Variants in GLIPR1L2 observed in about 807,000 individuals in gnomAD.
The protein encoded by GLIPR1L2 is GLIPR1-like protein 2.
GLIPR1L2 carries 21 observed loss-of-function variants against 28.4 expected under a neutral mutation model. The observed-to-expected ratio is 0.74, with a 90% CI of 0.52 to 1.06. GLIPR1L2 has a LOEUF of 1.06. Among genes scored for constraint, GLIPR1L2 ranks in the 50% least tolerant of loss-of-function variants. The probability of loss-of-function intolerance (pLI) is 0.00; values close to 1 mark genes in which losing one functional copy is unlikely to be tolerated. For missense variants in GLIPR1L2, 476 were observed against 416.9 expected (o/e 1.14, Z -1.23); for synonymous variants, 145 against 139.3 (o/e 1.04, Z -0.29).
intron 2 of GLIPR1L2, 40 bp from the exon 3 acceptor site, chr12:75,413,558 A>T: frequency 8.8e-7 from 1 of 1,133,286 alleles, no homozygotes; most frequent in Non-Finnish European, 1.3e-6. Context: ...GTCAATGTTT[A>T]AAATTAAATT....
rs1169839941 is a variant in GLIPR1L2, at chr12:75,431,756, C to A, written c.*595C>A. 3 of 151,980 alleles carry A rather than the reference C, an allele frequency of 2.0e-5. No individual in the cohort carries two copies. The highest frequency in any genetic ancestry group is 7.2e-5 in the African/African-American group (3 of 41,410). 9.4% of individuals were successfully genotyped at this position (151,980 alleles called of 1,614,324 possible). On this transcript the variant is annotated 3_prime_UTR_variant, in exon 6 of 6. Transcript: ENST00000550916. ...TATTTATAATTAATGTTCAATATTT[C>A]ATTAAAGACTTGCTGTAATTTTCTG... is the stretch of plus-strand genomic sequence containing the variant.
intron 1 of GLIPR1L2, among the ~76,000 whole-genome samples, chr12:75,409,874 T>C (rs2045847088): frequency 6.7e-6 from 1 of 148,636 alleles, no homozygotes; most frequent in South Asian, 2.1e-4. Flanking sequence ...CCGATATATA[T>C]GATGTTTATC....
chr12:75,413,600 T>G lies in GLIPR1L2; in HGVS notation c.483T>G (p.Leu161=). 6.5e-7 allele frequency: 1 copy of G among 1,533,558 alleles called. No individual in the cohort carries two copies. The highest frequency in any genetic ancestry group is 8.8e-7 in the Non-Finnish European group (1 of 1,141,404). The allele number at this position is 1,533,558 out of a possible 1,614,324, so 95.0% of individuals were successfully genotyped here. The stretch of plus-strand genomic sequence containing the variant: ...CTTTCTTGAAAATTTTATTTTAGCT[T>G]GTTTGGGACCACTCTTACAAAGTTG... The part of the protein sequence containing the change: ...CSGDCSNYIQ[L]VWDHSYKVGC... Residue 161 remains leucine, a splice_region_variant and synonymous_variant, in exon 3 of 6, where the codon CTT becomes CTG. Transcript: ENST00000550916.
At chr12:75,405,138 G>A (rs2045782994) in intron 1 of GLIPR1L2, among the ~76,000 whole-genome samples, 1 of 152,152 alleles carries the variant, frequency 6.6e-6, no homozygotes, top group African/African-American at 2.4e-5. Context: ...CAAACACTTT[G>A]TATGAAAAGT....
At chr12:75,403,340 A>G (rs1251436746) in intron 1 of GLIPR1L2, among the ~76,000 whole-genome samples, 2 of 152,168 alleles carry the variant, frequency 1.3e-5, no homozygotes, top group East Asian at 3.9e-4. Context: ...TCACTTATCA[A>G]TCCTGGACTG....
intron 4 of GLIPR1L2, among the ~76,000 whole-genome samples, chr12:75,430,429 G>A (rs2046079637): frequency 6.6e-6 from 1 of 152,142 alleles, no homozygotes; most frequent in African/African-American, 2.4e-5. Flanking sequence ...ATATTTTAAA[G>A]GCAGAAGTGG....
At chr12:75,424,670 A>G (rs11180503) in intron 4 of GLIPR1L2, among the ~76,000 whole-genome samples, 79,421 of 151,484 alleles carry the variant, frequency 0.52, 20,940 homozygotes, top group East Asian at 0.58. Context: ...GGCTGGTCTC[A>G]AACTCCTGGC....
rs552190427 is a variant in GLIPR1L2 at position 75,404,750 on chromosome 12, C to T, written c.235-5684C>T. 7.2e-5 allele frequency among the ~76,000 whole-genome samples: 11 copies of T among 152,130 alleles called. No homozygotes were observed. In the East Asian group the frequency reaches 2.1e-3, roughly 29 times the overall value. On this transcript the variant is annotated intron_variant, in intron 1 of 5. Transcript: ENST00000550916. ...TATTCTTTTATATTTACCTAACATG[C>T]ATGTGCCATAAGAATAGTTAACAAG... is the stretch of plus-strand genomic sequence containing the variant.
intron 1 of GLIPR1L2, among the ~76,000 whole-genome samples, chr12:75,398,755 C>T (rs2045709530): frequency 6.6e-6 from 1 of 152,122 alleles, no homozygotes; most frequent in African/African-American, 2.4e-5. Flanking sequence ...ACAGTGCAGT[C>T]AATGTTAACA....
At chr12:75,429,536 G>A (rs1453753111) in intron 4 of GLIPR1L2, among the ~76,000 whole-genome samples, 4 of 152,280 alleles carry the variant, frequency 2.6e-5, no homozygotes, top group Non-Finnish European at 5.9e-5. Flanking sequence ...AATGAGTTTA[G>A]ACTTTGGGGA....
chr12:75,413,926 A>C (rs960454683), intron 3 of GLIPR1L2, among the ~76,000 whole-genome samples: 14 of 152,048 alleles, frequency 9.2e-5, no homozygotes, highest in Non-Finnish European at 2.1e-4. Context: ...CCTTCACTTT[A>C]GTATTATTTC....
chr12:75,391,542 A>G (rs561836273), intron 1 of GLIPR1L2, 192 bp downstream of exon 1: 31 of 1,521,030 alleles, frequency 2.0e-5, no homozygotes, highest in Non-Finnish European at 2.5e-5. Context: ...GCTTATTACC[A>G]TGATATTACA....
At chr12:75,430,348 G>A (rs986524930) in intron 4 of GLIPR1L2, among the ~76,000 whole-genome samples, 2 of 152,196 alleles carry the variant, frequency 1.3e-5, no homozygotes, top group African/African-American at 4.8e-5. Context: ...AGATTAATTA[G>A]GAGTTATCTG....
At chr12:75,430,217 G>C (rs2046077713) in intron 4 of GLIPR1L2, among the ~76,000 whole-genome samples, 2 of 152,222 alleles carry the variant, frequency 1.3e-5, no homozygotes, top group Middle Eastern at 3.4e-3. Context: ...TATCTCATTG[G>C]ACTAGTTAAC....
chr12:75,400,142 A>T (rs1288008155), intron 1 of GLIPR1L2, among the ~76,000 whole-genome samples: 1 of 152,158 alleles, frequency 6.6e-6, no homozygotes, highest in African/African-American at 2.4e-5. Flanking sequence ...TTTTTGAGAC[A>T]GAGTCTCGCT....
chr12:75,429,913 C>CATTTT (rs1555234744), intron 4 of GLIPR1L2, among the ~76,000 whole-genome samples: 2 of 119,382 alleles, frequency 1.7e-5, no homozygotes, highest in East Asian at 5.5e-4. Flanking sequence ...GTCAATTAAA[C>CATTTT]CTTTTCTTTT....
intron 3 of GLIPR1L2, among the ~76,000 whole-genome samples, chr12:75,420,510 G>A (rs1279535716): frequency 6.6e-6 from 1 of 152,132 alleles, no homozygotes; most frequent in African/African-American, 2.4e-5. Flanking sequence ...CTGAGGCTAT[G>A]GCCAGATAGA....
chr12:75,431,998 TTATC>T lies in GLIPR1L2; in HGVS notation c.*841_*844del, dbSNP rs1429759848. On this transcript the variant is annotated 3_prime_UTR_variant, in exon 6 of 6. Coordinates refer to ENST00000550916, the MANE Select transcript of GLIPR1L2 (RefSeq NM_001270396.2). ...AAAATACCTAGCATAGGAGATTTCT[TTATC>T]TATAAAATAAATGGATAGCACTAGA... 2 of 152,090 alleles carry T rather than the reference TTATC, an allele frequency of 1.3e-5. No homozygotes were observed. Among genetic ancestry groups the T allele is most frequent in the Non-Finnish European group, 2.9e-5 (2 of 67,958 alleles). The allele number at this position is 152,090 out of a possible 1,614,324, so 9.4% of individuals were successfully genotyped here.
At position 75,420,718 on chromosome 12, in the gene GLIPR1L2, AGTTGT is replaced by A. The variant is rs570793919; in HGVS notation, c.585-2179_585-2175del. Among the ~76,000 whole-genome samples the A allele has an allele frequency of 3.3e-5, 5 of 152,222 alleles. No homozygotes were observed. The South Asian group carries it at 1.0e-3, about 32-fold the overall frequency. ...CCCAATAATTCCAATTGAAGTTGGG[AGTTGT>A]GTTGTGGATTCAGACTCAAGTTAAT... On this transcript the variant is annotated intron_variant, in intron 3 of 5. Coordinates refer to ENST00000550916, the MANE Select transcript of GLIPR1L2 (RefSeq NM_001270396.2).
Sources: gnomAD v4.1 joint callset for allele counts (sites outside exome capture counted in the v4.1 genomes callset) on GRCh38, gnomAD v4.1.1 for gene constraint, MANE v1.5 for transcripts, NCBI Gene and HGNC (gene_info 2026-07-23, HGNC 2026-07-21) for gene names.